The following POFUT1 variants were observed in gnomAD, a reference collection of about 807,000 sequenced individuals.
POFUT1 encodes the protein GDP-fucose protein O-fucosyltransferase 1.
In POFUT1, 16 loss-of-function variants were observed where a neutral mutation model predicts 42.4. The observed-to-expected ratio is 0.38, with a 90% CI of 0.26 to 0.57. The LOEUF is 0.57. Among genes scored for constraint, POFUT1 ranks in the 20% least tolerant of loss-of-function variants. The pLI, the probability that POFUT1 is intolerant of heterozygous loss-of-function variation, is 0.71. For synonymous variants in POFUT1, 206 were observed against 205.4 expected (o/e 1.00, Z -0.03); for missense variants, 470 against 504.6 (o/e 0.93, Z 0.66).
At position 32,230,998 on chromosome 20, in the gene POFUT1, G is replaced by A. The variant is rs200646120; in HGVS notation, c.915G>A (p.Ser305=). Reference sequence around the variant, plus strand: ...GGGTGAGGTCGCTGGATGCCCAGTCGGTCTACGTTGCTACTGATTCCGAGA... The same window carrying A: ...GGGTGAGGTCGCTGGATGCCCAGTCAGTCTACGTTGCTACTGATTCCGAGA... ...KLWVRSLDAQ[S]VYVATDSESY... is the part of the protein sequence containing the mutation. Residue 305 remains serine, a synonymous_variant, in exon 6 of 7, where the codon TCG becomes TCA. Coordinates refer to ENST00000375749, the MANE Select transcript of POFUT1 (RefSeq NM_015352.2). The A allele has an allele frequency of 2.3e-4, 366 of 1,614,172 alleles. No homozygotes were observed. Among genetic ancestry groups the A allele is most frequent in the East Asian group, 2.9e-4 (13 of 44,880 alleles).
intron 3 of POFUT1, 117 bp downstream of exon 3, chr20:32,215,568 GAGATTTA>G: frequency 1.1e-6 from 1 of 891,980 alleles, no homozygotes; most frequent in Non-Finnish European, 1.7e-6. Context: ...TAGAAAGATG[GAGATTTA>G]AGTCCTGTTT....
chr20:32,209,959 C>T, intron 1 of POFUT1, 112 bp from the exon 2 acceptor site: 2 of 1,165,358 alleles, frequency 1.7e-6, no homozygotes, highest in Non-Finnish European at 2.5e-6. Flanking sequence ...TCCCCTAGTT[C>T]TCCTTGGTAT....
intron 1 of POFUT1, among the ~76,000 whole-genome samples, chr20:32,208,579 GACCGA>G (rs2047307509): frequency 6.9e-6 from 1 of 145,594 alleles, no homozygotes; most frequent in African/African-American, 2.6e-5. Context: ...CACTTTGAGA[GACCGA>G]GGCAGGATCA....
At chr20:32,216,993 A>T (rs775976159) in intron 4 of POFUT1, 40 of 1,612,592 alleles carry the variant, frequency 2.5e-5, no homozygotes, top group Non-Finnish European at 3.2e-5. Context: ...CATGAGTCTC[A>T]ATTTCCTCCT....
At chr20:32,231,119 G>A in intron 6 of POFUT1, 58 bp downstream of exon 6, 1 of 1,589,664 alleles carries the variant, frequency 6.3e-7, no homozygotes, top group Non-Finnish European at 8.6e-7. Flanking sequence ...GAGCCAGGAT[G>A]GTCCCACTGC....
At chr20:32,211,969 C>T (rs889867261) in intron 2 of POFUT1, among the ~76,000 whole-genome samples, 14 of 152,178 alleles carry the variant, frequency 9.2e-5, no homozygotes, top group Non-Finnish European at 1.6e-4. Context: ...TCTCCTCTTT[C>T]TGTTTGCTTA....
intron 5 of POFUT1, 57 bp from the exon 6 acceptor site, chr20:32,230,762 G>A: frequency 6.3e-7 from 1 of 1,589,680 alleles, no homozygotes; most frequent in Non-Finnish European, 8.5e-7. Context: ...ACCAGGTCTT[G>A]CTTCTGGGGT....
At chr20:32,216,787 C>T in intron 4 of POFUT1, 66 bp downstream of exon 4, 6 of 1,370,056 alleles carry the variant, frequency 4.4e-6, no homozygotes, top group Non-Finnish European at 4.2e-6. Context: ...CATTCAGCAC[C>T]TTCTGGCACT....
At chr20:32,213,770 CAAAAA>C (rs1160770951) in intron 2 of POFUT1, among the ~76,000 whole-genome samples, 2 of 150,424 alleles carry the variant, frequency 1.3e-5, no homozygotes, top group African/African-American at 4.9e-5. Flanking sequence ...GACTCCATCT[CAAAAA>C]AAAAGAAAAT....
intron 6 of POFUT1, among the ~76,000 whole-genome samples, chr20:32,232,178 C>G (rs2047446818): frequency 6.6e-6 from 1 of 152,072 alleles, no homozygotes. Flanking sequence ...ACCTACTGAA[C>G]AGAAAATCAG....
At chr20:32,216,429 C>T (rs2047360578) in intron 3 of POFUT1, among the ~76,000 whole-genome samples, 180 bp from the exon 4 acceptor site, 1 of 152,192 alleles carries the variant, frequency 6.6e-6, no homozygotes, top group Admixed American at 6.5e-5. Flanking sequence ...ATTGAAGCCA[C>T]GGCACTCTGC....
At chr20:32,208,106 G>A in intron 1 of POFUT1, 41 bp downstream of exon 1, 1 of 1,526,686 alleles carries the variant, frequency 6.6e-7, no homozygotes, top group Non-Finnish European at 8.8e-7. Flanking sequence ...GAGAAACTGA[G>A]GCCGGGAGAG....
chr20:32,215,895 G>A (rs189334666), intron 3 of POFUT1, among the ~76,000 whole-genome samples: 47 of 152,312 alleles, frequency 3.1e-4, no homozygotes, highest in East Asian at 1.2e-3. Context: ...AGAGGACACC[G>A]AGGATGGCAC....
At position 32,238,043 on chromosome 20, in the gene POFUT1, C is replaced by T. The variant is rs2047481433; in HGVS notation, c.*3382C>T. On this transcript the variant is annotated 3_prime_UTR_variant, in exon 7 of 7. Transcript: ENST00000375749. ...TGTTGGTATGTAGCCTGGATAAATG[C>T]TCTTAATTATAAAAAATTCTGTCGA... The T allele has an allele frequency of 3.0e-6, 1 of 330,740 alleles. No individual in the cohort carries two copies. Among genetic ancestry groups the T allele is most frequent in the Non-Finnish European group, 6.0e-6 (1 of 165,474 alleles). The allele number at this position is 330,740 out of a possible 1,614,324, so 20.5% of individuals were successfully genotyped here.
rs187917402 is a variant in POFUT1 at position 32,238,593 on chromosome 20, A to C, written c.*3932A>C. The C allele has an allele frequency of 1.3e-4, 20 of 152,284 alleles. No homozygotes were observed. Among genetic ancestry groups the C allele is most frequent in the Non-Finnish European group, 2.4e-4 (16 of 68,024 alleles). 9.4% of individuals were successfully genotyped at this position (152,284 alleles called of 1,614,324 possible). ...GATCAAACACTTAAAACTTTTTGTTATGGAAGAATTCAAATATAAATAAAA... is the reference window on the plus strand; with the variant it reads ...GATCAAACACTTAAAACTTTTTGTTCTGGAAGAATTCAAATATAAATAAAA... On this transcript the variant is annotated 3_prime_UTR_variant, in exon 7 of 7. Coordinates refer to ENST00000375749, the MANE Select transcript of POFUT1 (RefSeq NM_015352.2).
intron 4 of POFUT1, among the ~76,000 whole-genome samples, chr20:32,220,752 A>G (rs2047387298): frequency 6.6e-6 from 1 of 152,116 alleles, no homozygotes; most frequent in East Asian, 1.9e-4. Context: ...AAAAAAAAAA[A>G]AAGGCTTGAC....
rs1026935794 is a variant in POFUT1 at position 32,236,917 on chromosome 20, C to T, written c.*2256C>T. ...TTGTCATAATTTTCCCAAGGCTGCC[C>T]AGCTGGTGGTGTTAAGCCAGAATTT... On this transcript the variant is annotated 3_prime_UTR_variant, in exon 7 of 7. Coordinates refer to ENST00000375749, the MANE Select transcript of POFUT1 (RefSeq NM_015352.2). The T allele has an allele frequency of 2.6e-5, 4 of 152,166 alleles. No individual in the cohort carries two copies. The highest frequency in any genetic ancestry group is 4.4e-5 in the Non-Finnish European group (3 of 68,048). 9.4% of individuals were successfully genotyped at this position (152,166 alleles called of 1,614,324 possible). A position where few individuals can be genotyped will look rare whatever the true frequency, so the allele number is the denominator to read the frequency against.
intron 4 of POFUT1, among the ~76,000 whole-genome samples, chr20:32,225,557 T>C (rs1189682626): frequency 6.6e-6 from 1 of 152,156 alleles, no homozygotes; most frequent in African/African-American, 2.4e-5. Flanking sequence ...GGCACGATCA[T>C]GGCTGACTGC....
intron 4 of POFUT1, among the ~76,000 whole-genome samples, chr20:32,224,894 T>A (rs1176241910): frequency 6.6e-6 from 1 of 152,244 alleles, no homozygotes; most frequent in Non-Finnish European, 1.5e-5. Flanking sequence ...ATGATCAACA[T>A]GGCCAAGTCT....
Sources: gnomAD v4.1 joint callset for allele counts (sites outside exome capture counted in the v4.1 genomes callset) on GRCh38, gnomAD v4.1.1 for gene constraint, MANE v1.5 for transcripts, NCBI Gene and HGNC (gene_info 2026-07-23, HGNC 2026-07-21) for gene names.